Variants in CUBN observed in about 807,000 individuals in gnomAD.
The protein encoded by CUBN is 460 kDa receptor.
Under a neutral mutation model 405.3 loss-of-function variants are expected in CUBN, and 282 were observed. The observed-to-expected ratio is 0.70, with a 90% CI of 0.63 to 0.77. The LOEUF (loss-of-function observed/expected upper bound fraction) is 0.77, where lower values mean the gene tolerates loss of function less well. Among genes scored for constraint, CUBN ranks in the 30% least tolerant of loss-of-function variants. CUBN has a pLI of 0.00. For synonymous variants in CUBN, 1,684 were observed against 1,617.0 expected (o/e 1.04, Z -0.99); for missense variants, 4,514 against 4,475.2 (o/e 1.01, Z -0.25).
intron 27 of CUBN, 136 bp downstream of exon 27, chr10:17,040,897 A>AC: frequency 1.3e-6 from 1 of 758,310 alleles, no homozygotes; most frequent in Non-Finnish European, 2.3e-6. Flanking sequence ...CTGTTCAAAT[A>AC]CCATGGGTGG....
intron 28 of CUBN, among the ~76,000 whole-genome samples, chr10:17,018,235 A>T (rs545470514): frequency 6.6e-6 from 1 of 152,248 alleles, no homozygotes; most frequent in African/African-American, 2.4e-5. Context: ...AATAGGACAG[A>T]ATAGCAAGCG....
At chr10:16,869,256 C>T (rs1203865710) in intron 59 of CUBN, among the ~76,000 whole-genome samples, 8 of 150,186 alleles carry the variant, frequency 5.3e-5, no homozygotes, top group African/African-American at 2.0e-4. Flanking sequence ...ACCTCCATCT[C>T]CTGGGTTCAA....
At chr10:17,093,130 G>A (rs1836300866) in intron 14 of CUBN, among the ~76,000 whole-genome samples, 1 of 152,138 alleles carries the variant, frequency 6.6e-6, no homozygotes. Flanking sequence ...TCACGATTTA[G>A]GGCTACCAAA....
chr10:16,928,615 TG>T (rs1477640350), intron 40 of CUBN, among the ~76,000 whole-genome samples: 1 of 144,490 alleles, frequency 6.9e-6, no homozygotes, highest in African/African-American at 2.5e-5. Flanking sequence ...ATGCAGCCTC[TG>T]CCTCTGGGGT....
chr10:16,838,709 A>T (rs1306197705), intron 62 of CUBN, among the ~76,000 whole-genome samples: 1 of 152,164 alleles, frequency 6.6e-6, no homozygotes, highest in African/African-American at 2.4e-5. Context: ...CAGTGGCGCG[A>T]TCTTGGCTCA....
intron 56 of CUBN, among the ~76,000 whole-genome samples, chr10:16,880,287 G>A (rs58613589): frequency 0.026 from 3,934 of 152,208 alleles, 169 homozygotes; most frequent in African/African-American, 0.088. Context: ...TTGATTGACT[G>A]ATTGATAATT....
At chr10:17,043,703 G>A (rs1835060723) in intron 26 of CUBN, 124 bp downstream of exon 26, 2 of 1,326,236 alleles carry the variant, frequency 1.5e-6, no homozygotes, top group Non-Finnish European at 2.2e-6. Flanking sequence ...AGAATTTGAA[G>A]GCCCACTCTA....
At chr10:17,013,350 ATCTC>A (rs1205131305) in intron 28 of CUBN, among the ~76,000 whole-genome samples, 2 of 145,300 alleles carry the variant, frequency 1.4e-5, no homozygotes, top group Admixed American at 6.9e-5. Flanking sequence ...CTGACTTTCT[ATCTC>A]TCTGTCTCCT....
In CUBN at chr10:17,045,047, T is replaced by C. The variant is rs1414992630; in HGVS notation, c.3632A>G (p.His1211Arg). ...AGTGCAGTTTGGATGATGCTCCAAG[T>C]GAAAGTCTTTGAATTCCAGTTCAAA... ...SAFELEFKDF[H>R]LEHHPNCTLD... Residue 1211 changes from histidine (H) to arginine (R), a missense_variant, in exon 25 of 67, where the codon CAC (histidine) becomes CGC (arginine). Physicochemically the swap from His to Arg is conservative, Grantham distance 29. This residue lies in a region of CUBN where 242 missense variants were observed against 309.0 expected (regional missense o/e 0.78). Coordinates refer to ENST00000377833, the MANE Select transcript of CUBN (RefSeq NM_001081.4). 10 of 1,614,038 alleles carry C rather than the reference T, an allele frequency of 6.2e-6. No individual in the cohort carries two copies. The highest frequency in any genetic ancestry group is 8.5e-6 in the Non-Finnish European group (10 of 1,179,994).
At chr10:16,903,923 T>C in intron 51 of CUBN, 43 bp downstream of exon 51, 3 of 1,371,730 alleles carry the variant, frequency 2.2e-6, no homozygotes, top group African/African-American at 1.4e-5. Context: ...AAATCATTAA[T>C]CTTTATAAGT....
At chr10:16,901,213 G>T in intron 52 of CUBN, 125 bp downstream of exon 52, 1 of 1,302,792 alleles carries the variant, frequency 7.7e-7, no homozygotes, top group Non-Finnish European at 1.1e-6. Flanking sequence ...GAAAAACAGT[G>T]ATCTCATTGT....
intron 27 of CUBN, among the ~76,000 whole-genome samples, chr10:17,032,186 A>G (rs1834801525): frequency 6.6e-6 from 1 of 152,228 alleles, no homozygotes; most frequent in South Asian, 2.1e-4. Flanking sequence ...GAAGTGTCCC[A>G]GGAAGAAGCT....
chr10:17,019,253 T>G (rs1834428524), intron 28 of CUBN, among the ~76,000 whole-genome samples: 1 of 152,166 alleles, frequency 6.6e-6, no homozygotes, highest in African/African-American at 2.4e-5. Context: ...GATCCCTACC[T>G]GCTTCCTGAA....
At chr10:16,854,488 G>A (rs1221538769) in intron 59 of CUBN, among the ~76,000 whole-genome samples, 1 of 152,112 alleles carries the variant, frequency 6.6e-6, no homozygotes, top group Admixed American at 6.6e-5. Context: ...TCCAGAACCA[G>A]CATTTTACAT....
chr10:16,986,616 C>G (rs1381585785), intron 29 of CUBN, among the ~76,000 whole-genome samples: 1 of 152,164 alleles, frequency 6.6e-6, no homozygotes, highest in African/African-American at 2.4e-5. Context: ...TGCACTCCCC[C>G]CAAGTCCCAT....
At chr10:17,008,335 CGT>C (rs10678462) in intron 28 of CUBN, among the ~76,000 whole-genome samples, 64 of 138,854 alleles carry the variant, frequency 4.6e-4, no homozygotes, top group African/African-American at 1.4e-3. Context: ...AGTCCCTCCC[CGT>C]GTGTGTGTGT....
chr10:16,901,498 T>TA (rs762123876), intron 51 of CUBN, 39 bp from the exon 52 acceptor site: 21 of 1,611,866 alleles, frequency 1.3e-5, no homozygotes, highest in East Asian at 2.2e-5. Context: ...AAAACAGAAG[T>TA]AAAAAAAAGA....
chr10:16,970,730 C>T (rs756884573), intron 31 of CUBN, among the ~76,000 whole-genome samples: 5 of 152,138 alleles, frequency 3.3e-5, no homozygotes, highest in Non-Finnish European at 5.9e-5. Flanking sequence ...ATAAGGCTTT[C>T]GTTTTAGTGC....
At chr10:17,045,905 C>T (rs1462475875) in intron 24 of CUBN, 29 bp downstream of exon 24, 2 of 1,611,972 alleles carry the variant, frequency 1.2e-6, no homozygotes, top group Non-Finnish European at 1.7e-6. Context: ...ATTGGCTTCT[C>T]CAGTAAAAGA....
Sources: allele counts gnomAD v4.1 joint callset (sites outside exome capture counted in the v4.1 genomes callset), GRCh38; gene constraint gnomAD v4.1.1; regional missense constraint gnomAD v4.1.1; transcripts MANE v1.5; gene names NCBI Gene and HGNC (gene_info 2026-07-23, HGNC 2026-07-21).